Variants in SH3KBP1 observed in about 807,000 individuals in gnomAD.
The protein encoded by SH3KBP1 is SH3 domain containing kinase binding protein 1.
Under a neutral mutation model 50.1 loss-of-function variants are expected in SH3KBP1, and 8 were observed. The ratio of observed to expected loss-of-function variants is 0.16; its 90% CI spans 0.09 to 0.29. SH3KBP1 has a LOEUF of 0.29. SH3KBP1 is among the 10% of genes least tolerant of loss of function. The probability of loss-of-function intolerance (pLI) is 1.00; values close to 1 mark genes in which losing one functional copy is unlikely to be tolerated. For synonymous variants in SH3KBP1, 227 were observed against 218.6 expected, an observed-to-expected ratio of 1.04 and a Z score of -0.34; for missense variants, 377 against 535.2, an observed-to-expected ratio of 0.70 and a Z score of 2.92.
At chrX:19,836,550 T>C (rs1322346146) in intron 1 of SH3KBP1, among the ~76,000 whole-genome samples, 1 of 111,693 alleles carries the variant, frequency 9.0e-6, no homozygotes, top group Non-Finnish European at 1.9e-5. Flanking sequence ...AGCTGCATGA[T>C]GACAGCCAGA....
intron 3 of SH3KBP1, among the ~76,000 whole-genome samples, chrX:19,724,042 A>G (rs374985282): frequency 8.9e-5 from 10 of 112,291 alleles, no homozygotes; most frequent in East Asian, 8.4e-4. Context: ...TTGTAAATAC[A>G]GGAAAGGTGC....
chrX:19,579,869 T>C (rs2066312383), intron 12 of SH3KBP1, among the ~76,000 whole-genome samples: 1 of 111,534 alleles, frequency 9.0e-6, no homozygotes, highest in South Asian at 3.8e-4. Context: ...CGGAGGATGT[T>C]CACTTTTCCA....
intron 13 of SH3KBP1, among the ~76,000 whole-genome samples, chrX:19,562,035 T>G (rs1168378194): frequency 1.8e-5 from 2 of 111,068 alleles, no homozygotes; most frequent in African/African-American, 3.3e-5. Context: ...AATGTCACTC[T>G]CCAACTGCTA....
At chrX:19,542,265 A>C in intron 15 of SH3KBP1, 72 bp from the exon 16 acceptor site, 1 of 988,166 alleles carries the variant, frequency 1.0e-6, no homozygotes, top group Non-Finnish European at 1.3e-6. Context: ...TGGTTAGTCA[A>C]ACTCTCCGTT....
intron 6 of SH3KBP1, among the ~76,000 whole-genome samples, chrX:19,658,542 A>G (rs1386239503): frequency 9.0e-6 from 1 of 111,651 alleles, no homozygotes; most frequent in Non-Finnish European, 1.9e-5. Flanking sequence ...CAGGTTACTT[A>G]AAAAGGCTCA....
intron 5 of SH3KBP1, among the ~76,000 whole-genome samples, chrX:19,693,110 A>T (rs1165824777): frequency 8.9e-6 from 1 of 111,828 alleles, no homozygotes; most frequent in East Asian, 2.8e-4. Flanking sequence ...CCACATCCCC[A>T]TGGGACTGGC....
At chrX:19,795,906 A>G (rs933033975) in intron 2 of SH3KBP1, among the ~76,000 whole-genome samples, 2 of 112,168 alleles carry the variant, frequency 1.8e-5, no homozygotes, top group South Asian at 7.3e-4. Flanking sequence ...ATTCTTTTTA[A>G]TAGCTTACAC....
chrX:19,674,077 G>A (rs147008426), intron 6 of SH3KBP1, among the ~76,000 whole-genome samples: 5 of 111,970 alleles, frequency 4.5e-5, no homozygotes, highest in African/African-American at 9.7e-5. Flanking sequence ...TTGGACATGC[G>A]TCTGCTAGTC....
intron 16 of SH3KBP1, among the ~76,000 whole-genome samples, chrX:19,539,532 C>G (rs2064821174): frequency 8.9e-6 from 1 of 112,301 alleles, no homozygotes; most frequent in Non-Finnish European, 1.9e-5. Flanking sequence ...CAGGCAAAGC[C>G]TCAAGCAGTC....
chrX:19,690,033 C>G (rs1345165994), intron 5 of SH3KBP1, among the ~76,000 whole-genome samples: 1 of 102,285 alleles, frequency 9.8e-6, no homozygotes, highest in East Asian at 2.9e-4. Flanking sequence ...TTTTAAAAAC[C>G]ATCTTTCTCT....
chrX:19,620,495 T>C (rs191092521), intron 8 of SH3KBP1, among the ~76,000 whole-genome samples: 2 of 112,646 alleles, frequency 1.8e-5, no homozygotes, highest in Admixed American at 1.9e-4. Flanking sequence ...CTTAGCTGAT[T>C]TAGCTTCTAG....
At chrX:19,875,408 G>C (rs185897664) in intron 1 of SH3KBP1, among the ~76,000 whole-genome samples, 83 of 112,443 alleles carry the variant, frequency 7.4e-4, no homozygotes, top group Admixed American at 1.9e-3. Flanking sequence ...TGGATGGCTA[G>C]AGCACAGAAG....
At chrX:19,553,930 T>TATATAATATATAATAAA (rs2065328251) in intron 13 of SH3KBP1, among the ~76,000 whole-genome samples, 1 of 42,609 alleles carries the variant, frequency 2.3e-5, no homozygotes, top group Non-Finnish European at 4.3e-5. Flanking sequence ...AATATTAAAA[T>TATATAATATATAATAAA]ATATAATATA....
intron 2 of SH3KBP1, among the ~76,000 whole-genome samples, chrX:19,814,648 T>A (rs2067303055): frequency 8.9e-6 from 1 of 111,851 alleles, no homozygotes; most frequent in Non-Finnish European, 1.9e-5. Flanking sequence ...TCCTCAAGTC[T>A]TGACTTAAAT....
chrX:19,757,199 G>T (rs1225191072), intron 2 of SH3KBP1, among the ~76,000 whole-genome samples: 1 of 102,382 alleles, frequency 9.8e-6, no homozygotes. Flanking sequence ...AAATCCTGGG[G>T]TCCCAAAATC....
rs1174131632 is a variant in SH3KBP1 at position 19,539,402 on chromosome X, G to A, written c.1893-1622C>T. Among the ~76,000 whole-genome samples, 5 of 111,781 alleles carry A rather than the reference G, an allele frequency of 4.5e-5. No homozygotes were observed. The Admixed American group carries it at 4.8e-4, about 11-fold the overall frequency. ...ATCACAACGAATATGAACCAGTTGT[G>A]ATTCATTACTGTATTTATTTAAGCG... On this transcript the variant is annotated intron_variant, in intron 16 of 17. Transcript: ENST00000397821.
At chrX:19,654,944 C>T (rs1016279568) in intron 6 of SH3KBP1, among the ~76,000 whole-genome samples, 6 of 111,727 alleles carry the variant, frequency 5.4e-5, no homozygotes, top group African/African-American at 1.3e-4. Context: ...TTTTCAGATC[C>T]AAAATATTTT....
chrX:19,657,376 C>T (rs756204856), intron 6 of SH3KBP1, among the ~76,000 whole-genome samples: 60 of 87,515 alleles, frequency 6.9e-4, no homozygotes, highest in African/African-American at 2.9e-3. Context: ...CAAGATCCTG[C>T]CTCGAAAAAA....
chrX:19,787,650 A>T (rs142279839), intron 2 of SH3KBP1, among the ~76,000 whole-genome samples: 1,886 of 112,074 alleles, frequency 0.017, 40 homozygotes, highest in African/African-American at 0.057. Context: ...CAGCCAACAT[A>T]TACAAAAAAG....
Sources: allele counts gnomAD v4.1 joint callset (sites outside exome capture counted in the v4.1 genomes callset), GRCh38; gene constraint gnomAD v4.1.1; transcripts MANE v1.5; gene names NCBI Gene and HGNC (gene_info 2026-07-23, HGNC 2026-07-21).